The following RFFL variants were observed in gnomAD, a reference collection of about 807,000 sequenced individuals.
RFFL encodes E3 ubiquitin-protein ligase rififylin.
In RFFL, 16 loss-of-function variants were observed where a neutral mutation model predicts 40.4. The ratio of observed to expected loss-of-function variants is 0.40; its 90% CI spans 0.27 to 0.60. RFFL has a LOEUF of 0.60. RFFL is among the 20% of genes least tolerant of loss of function. The pLI is 0.47. For synonymous variants in RFFL, 154 were observed against 167.9 expected (o/e 0.92, Z 0.64); for missense variants, 367 against 451.7 (o/e 0.81, Z 1.70).
At chr17:35,029,521 C>CT (rs34986105) in intron 1 of RFFL, among the ~76,000 whole-genome samples, 2,016 of 114,966 alleles carry the variant, frequency 0.018, 91 homozygotes, top group African/African-American at 0.057. Flanking sequence ...TTTTTGCTTT[C>CT]TTTTTTTTTT....
At chr17:35,067,606 C>T (rs1293369487), upstream of RFFL, among the ~76,000 whole-genome samples, 1 of 151,540 alleles carries the variant, frequency 6.6e-6, no homozygotes, top group East Asian at 1.9e-4. Flanking sequence ...TACTATGCAC[C>T]ACCAGGCCTG....
chr17:35,036,751 T>G lies in RFFL; in HGVS notation c.-8-10190A>C, dbSNP rs1231705254. On this transcript the variant is annotated intron_variant, in intron 1 of 6. Transcript: ENST00000394597. ...CCTATTCCAGGTGGGCTTGGTACAG[T>G]CATAGTTAGAGGCAAGAGGGTAGAT... Among the ~76,000 whole-genome samples, 5 of 152,322 alleles carry G rather than the reference T, an allele frequency of 3.3e-5. No individual in the cohort carries two copies. In the East Asian group the frequency reaches 9.6e-4, roughly 29 times the overall value.
chr17:35,035,984 T>C (rs538121930), intron 1 of RFFL, among the ~76,000 whole-genome samples: 1 of 152,160 alleles, frequency 6.6e-6, no homozygotes, highest in African/African-American at 2.4e-5. Flanking sequence ...ATTACAGGCA[T>C]GAGCACCATG....
At chr17:35,040,470 G>A (rs760096724) in intron 1 of RFFL, among the ~76,000 whole-genome samples, 2 of 151,946 alleles carry the variant, frequency 1.3e-5, no homozygotes, top group Non-Finnish European at 2.9e-5. Context: ...AGGCATGGTG[G>A]CAGGCACCTA....
intron 1 of RFFL, chr17:35,036,236 T>G (rs2091121547): frequency 6.6e-6 from 1 of 152,234 alleles, no homozygotes; most frequent in African/African-American, 2.4e-5. Flanking sequence ...ACATGGCATT[T>G]GATAATGCTA....
At chr17:35,072,770 G>A (rs369938130) in intron 1 of RFFL, among the ~76,000 whole-genome samples, 62 of 152,100 alleles carry the variant, frequency 4.1e-4, no homozygotes, top group African/African-American at 1.3e-3. Context: ...GTGGTCGGGC[G>A]TGGTGGCTCA....
chr17:35,014,218 T>C (rs574252102), intron 6 of RFFL, among the ~76,000 whole-genome samples: 3 of 152,096 alleles, frequency 2.0e-5, no homozygotes, highest in Admixed American at 6.5e-5. Flanking sequence ...AGCTGAGATA[T>C]ATAGCTTGTG....
At chr17:35,088,375 T>A (rs7211949) in intron 1 of RFFL, among the ~76,000 whole-genome samples, 16,619 of 152,172 alleles carry the variant, frequency 0.11, 929 homozygotes, top group South Asian at 0.14. Context: ...GAAAATGATA[T>A]GCTGTTGTTT....
rs966520163 is a variant in RFFL at position 35,011,254 on chromosome 17, T to G, written c.*714A>C. On this transcript the variant is annotated 3_prime_UTR_variant, in exon 7 of 7. Transcript: ENST00000394597. ...GACAGAAACAAATTTCCCAGCAGTT[T>G]GGGAGCCTGATGTTTTGTTGGCTCC... 13 of 152,234 alleles carry G rather than the reference T, an allele frequency of 8.5e-5. No individual in the cohort carries two copies. The highest frequency in any genetic ancestry group is 2.9e-4 in the African/African-American group (12 of 41,450). The allele number at this position is 152,234 out of a possible 1,614,324, so 9.4% of individuals were successfully genotyped here.
chr17:35,011,996 A>G lies in RFFL; in HGVS notation c.1064T>C (p.Ile355Thr). 1.2e-6 allele frequency: 2 copies of G among 1,614,188 alleles called. No homozygotes were observed. The highest frequency in any genetic ancestry group is 2.2e-5 in the South Asian group (2 of 91,084). ...NECPICRQYV[I>T]RAVHVFRS ...GGACCGGAAGACATGCACAGCTCGG[A>G]TTACATACTGCCGGCAGATGGGACA... Residue 355 changes from isoleucine (I) to threonine (T), a missense_variant, in exon 7 of 7, where the codon ATC becomes ACC. By Grantham distance (89) the Ile-to-Thr change is moderately conservative (BLOSUM62 -1). Coordinates refer to ENST00000394597, the MANE Select transcript of RFFL (RefSeq NM_001017368.2).
intron 1 of RFFL, among the ~76,000 whole-genome samples, chr17:35,047,243 A>G (rs948174628): frequency 6.6e-6 from 1 of 152,178 alleles, no homozygotes; most frequent in African/African-American, 2.4e-5. Flanking sequence ...ACTCCAATGC[A>G]CCGGGAAAAG....
chr17:35,030,498 T>C (rs2091075989), intron 1 of RFFL, among the ~76,000 whole-genome samples: 2 of 152,034 alleles, frequency 1.3e-5, no homozygotes, highest in African/African-American at 4.8e-5. Context: ...AGATGGGGTT[T>C]CACCATGTTA....
At chr17:35,036,144 G>A (rs2091120674) in intron 1 of RFFL, among the ~76,000 whole-genome samples, 1 of 152,214 alleles carries the variant, frequency 6.6e-6, no homozygotes, top group Non-Finnish European at 1.5e-5. Flanking sequence ...GAAAGAGTTT[G>A]TAACTAACAA....
At position 35,010,456 on chromosome 17, in the gene RFFL, A is replaced by G. The variant is rs2142309193; in HGVS notation, c.*1512T>C. On this transcript the variant is annotated 3_prime_UTR_variant, in exon 7 of 7. Transcript: ENST00000394597. ...TTGCATGGTCCTTCCTAAAGAGCCT[A>G]GAAAATGGTTTCTCCTGCTGGGTGT... is the stretch of plus-strand genomic sequence containing the variant. The G allele has an allele frequency of 6.6e-6, 1 of 152,414 alleles. No homozygotes were observed. The highest frequency in any genetic ancestry group is 2.1e-4 in the South Asian group (1 of 4,828). The allele number at this position is 152,414 out of a possible 1,614,324, so 9.4% of individuals were successfully genotyped here. A position where few individuals can be genotyped will look rare whatever the true frequency, so the allele number is the denominator to read the frequency against.
At chr17:35,019,882 C>T (rs1443207915) in intron 3 of RFFL, among the ~76,000 whole-genome samples, 16 of 152,208 alleles carry the variant, frequency 1.1e-4, no homozygotes. Flanking sequence ...AATGATTTTA[C>T]TGCAGTTAAA....
chr17:35,077,865 T>C (rs1391551477), intron 1 of RFFL, among the ~76,000 whole-genome samples: 2 of 152,218 alleles, frequency 1.3e-5, no homozygotes, highest in African/African-American at 4.8e-5. Context: ...CCCCAGACTA[T>C]AATCTAATGG....
At chr17:35,054,017 A>G (rs1331948249) in intron 1 of RFFL, among the ~76,000 whole-genome samples, 2 of 152,192 alleles carry the variant, frequency 1.3e-5, no homozygotes, top group African/African-American at 4.8e-5. Context: ...TAGACTGACG[A>G]CACAGTGACC....
chr17:35,027,528 C>T (rs962728552), intron 1 of RFFL, among the ~76,000 whole-genome samples: 2 of 151,990 alleles, frequency 1.3e-5, no homozygotes, highest in Admixed American at 1.3e-4. Flanking sequence ...AGTTCGAGAC[C>T]AGCCTGACCA....
chr17:35,084,690 G>A (rs1227324371), intron 1 of RFFL, among the ~76,000 whole-genome samples: 1 of 151,560 alleles, frequency 6.6e-6, no homozygotes, highest in Non-Finnish European at 1.5e-5. Context: ...AGGAGTTCAA[G>A]ATCAGCCTGG....
Sources: allele counts gnomAD v4.1 joint callset (sites outside exome capture counted in the v4.1 genomes callset), GRCh38; gene constraint gnomAD v4.1.1; transcripts MANE v1.5; gene names NCBI Gene and HGNC (gene_info 2026-07-23, HGNC 2026-07-21).